IMPG2: variants seen among roughly 807,000 people sequenced by gnomAD.
IMPG2 encodes the protein interphotoreceptor matrix proteoglycan 2.
A neutral mutation model predicts 129.2 loss-of-function variants in IMPG2; 91 were observed. The observed-to-expected ratio is 0.70, with a 90% CI of 0.59 to 0.84. The LOEUF (loss-of-function observed/expected upper bound fraction) is 0.84. IMPG2 is among the 40% of genes least tolerant of loss of function. IMPG2 has a pLI of 0.00. For synonymous variants in IMPG2, 510 were observed against 517.7 expected, an observed-to-expected ratio of 0.99 and a Z score of 0.20; for missense variants, 1,430 against 1,461.7, an observed-to-expected ratio of 0.98 and a Z score of 0.35.
At chr3:101,238,426 C>T (rs1177026339) in intron 14 of IMPG2, among the ~76,000 whole-genome samples, 1 of 151,998 alleles carries the variant, frequency 6.6e-6, no homozygotes, top group Non-Finnish European at 1.5e-5. Flanking sequence ...GTCAGATTCA[C>T]CAAGATTGAA....
In IMPG2 at chr3:101,223,627, G is replaced by C. The variant is rs1021370919; in HGVS notation, c.*3342C>G. ...TCATACTTCAGCCAACCTACTTTTA[G>C]AGCCTACAAAGAATATTTGTGCAGT... On this transcript the variant is annotated 3_prime_UTR_variant, in exon 19 of 19. Transcript: ENST00000193391. 6.6e-6 allele frequency: 1 copy of C among 152,172 alleles called. No individual in the cohort carries two copies. Among genetic ancestry groups the C allele is most frequent in the Non-Finnish European group, 1.5e-5 (1 of 68,026 alleles). 9.4% of individuals were successfully genotyped at this position (152,172 alleles called of 1,614,324 possible). A position where few individuals can be genotyped will look rare whatever the true frequency, so the allele number is the denominator to read the frequency against.
intron 8 of IMPG2, among the ~76,000 whole-genome samples, chr3:101,268,361 A>G (rs542446042): frequency 6.6e-6 from 1 of 152,294 alleles, no homozygotes; most frequent in African/African-American, 2.4e-5. Context: ...TTCTCATCTG[A>G]GCATACAACT....
At chr3:101,294,610 T>C (rs190086838) in intron 3 of IMPG2, among the ~76,000 whole-genome samples, 37 of 152,286 alleles carry the variant, frequency 2.4e-4, no homozygotes, top group Middle Eastern at 6.8e-3. Context: ...ATATACCCAA[T>C]AATGGGATTG....
At chr3:101,308,714 T>A (rs1488925476) in intron 2 of IMPG2, among the ~76,000 whole-genome samples, 2 of 152,388 alleles carry the variant, frequency 1.3e-5, no homozygotes, top group East Asian at 3.9e-4. Context: ...GGCTTATTAC[T>A]ACTTATGCAA....
intron 4 of IMPG2, among the ~76,000 whole-genome samples, chr3:101,291,276 A>C (rs1444094681): frequency 1.3e-5 from 2 of 152,210 alleles, no homozygotes; most frequent in Non-Finnish European, 2.9e-5. Context: ...TCAGACAGCA[A>C]ATGCGCACAG....
At chr3:101,229,320 G>GGGGCCCC in intron 17 of IMPG2, 60 bp downstream of exon 17, 2 of 519,328 alleles carry the variant, frequency 3.9e-6, no homozygotes, top group Non-Finnish European at 3.0e-6. Context: ...ACCACCCCCT[G>GGGGCCCC]CTCCCCCACA....
intron 7 of IMPG2, among the ~76,000 whole-genome samples, chr3:101,270,563 G>A (rs1706771517): frequency 6.6e-6 from 1 of 152,090 alleles, no homozygotes; most frequent in African/African-American, 2.4e-5. Context: ...AAATAATCAG[G>A]TTGAGGCGGG....
chr3:101,242,785 G>C lies in IMPG2; in HGVS notation c.2925C>G (p.Val975=), dbSNP rs991927846. 1.2e-6 allele frequency: 2 copies of C among 1,614,012 alleles called. No homozygotes were observed. The highest frequency in any genetic ancestry group is 2.2e-5 in the South Asian group (2 of 91,072). ...CCAGAATCATGTACACCGCATTGTT[G>C]ACGTTAGGAGGGACAGAATTGGCAA... ...MKFANSVPPN[V]NNAVYMILED... Residue 975 remains valine (V), a synonymous_variant, in exon 14 of 19, where the codon GTC becomes GTG. Coordinates refer to ENST00000193391, the MANE Select transcript of IMPG2 (RefSeq NM_016247.4).
chr3:101,232,930 G>A lies in IMPG2; in HGVS notation c.3084C>T (p.Asn1028=), dbSNP rs563979461. 1.9e-5 allele frequency: 30 copies of A among 1,613,986 alleles called. No individual in the cohort carries two copies. The highest frequency in any genetic ancestry group is 3.3e-5 in the South Asian group (3 of 91,080). Residue 1028 remains asparagine, a synonymous_variant, in exon 15 of 19, where the codon AAC becomes AAT. Transcript: ENST00000193391. ...TGCACTTTGCTTCTCCACTCCAGGG[G>A]TTGACCAGACACTCTGAAAATTCAT... is the stretch of plus-strand genomic sequence containing the variant. The part of the protein sequence containing the change: ...ACNEFSECLV[N]PWSGEAKCRC...
rs1389268216 is a variant in IMPG2 at position 101,222,603 on chromosome 3, C to T, written c.*4366G>A. The stretch of plus-strand genomic sequence containing the variant: ...TAGTACAGTTGTATACATAGGAAAA[C>T]ATCCTTATTTATTCATAAAGACTTT... On this transcript the variant is annotated 3_prime_UTR_variant, in exon 19 of 19. Coordinates refer to ENST00000193391, the MANE Select transcript of IMPG2 (RefSeq NM_016247.4). 2 of 152,144 alleles carry T rather than the reference C, an allele frequency of 1.3e-5. No individual in the cohort carries two copies. The highest frequency in any genetic ancestry group is 1.3e-4 in the Admixed American group (2 of 15,278). 9.4% of individuals were successfully genotyped at this position (152,144 alleles called of 1,614,324 possible).
At chr3:101,228,684 C>A in intron 18 of IMPG2, 113 bp downstream of exon 18, 1 of 827,598 alleles carries the variant, frequency 1.2e-6, no homozygotes, top group Non-Finnish European at 2.1e-6. Context: ...TTGGTTATCA[C>A]GGAGACTCCT....
intron 8 of IMPG2, 133 bp from the exon 9 acceptor site, chr3:101,267,664 C>A: frequency 1.3e-6 from 1 of 755,100 alleles, no homozygotes; most frequent in South Asian, 1.7e-5. Flanking sequence ...AAAATGCTGA[C>A]AAATTCCTAT....
chr3:101,283,571 G>T (rs576858223), intron 4 of IMPG2, among the ~76,000 whole-genome samples: 6 of 152,236 alleles, frequency 3.9e-5, no homozygotes, highest in Admixed American at 3.3e-4. Context: ...CATATATACA[G>T]AGTATACAGT....
chr3:101,283,882 C>T (rs1412801441), intron 4 of IMPG2, among the ~76,000 whole-genome samples: 3 of 119,368 alleles, frequency 2.5e-5, no homozygotes, highest in Non-Finnish European at 3.9e-5. Flanking sequence ...AATATATAGA[C>T]TAATAAGAAA....
In IMPG2 at chr3:101,243,774, C is replaced by T; in HGVS notation, c.2557G>A (p.Glu853Lys). Residue 853 changes from glutamate (E) to lysine (K), a missense_variant, in exon 13 of 19, where the codon GAG (glutamate) becomes AAG (lysine). By Grantham distance (56) the Glu-to-Lys change is moderately conservative. Transcript: ENST00000193391. ...DRIGTDYYQP[E>K]QVQEQNGKVG... ...TTGCCATTTTGCTCTTGGACTTGCT[C>T]AGGCTGATAGTAATCTGTGCCTATC... 2 of 1,613,944 alleles carry T rather than the reference C, an allele frequency of 1.2e-6. No individual in the cohort carries two copies. The highest frequency in any genetic ancestry group is 1.7e-6 in the Non-Finnish European group (2 of 1,179,868).
intron 11 of IMPG2, among the ~76,000 whole-genome samples, chr3:101,250,822 C>G (rs775418743): frequency 1.3e-5 from 2 of 152,164 alleles, no homozygotes; most frequent in Non-Finnish European, 2.9e-5. Context: ...AATACCTGCT[C>G]TATGGAATAT....
rs765658730 is a variant in IMPG2, at chr3:101,320,334, A to T, written c.39T>A (p.Gly13=). 3 of 1,608,218 alleles carry T rather than the reference A, an allele frequency of 1.9e-6. No homozygotes were observed. The highest frequency in any genetic ancestry group is 1.7e-6 in the Non-Finnish European group (2 of 1,175,424). Residue 13 remains glycine (G), a synonymous_variant, in exon 1 of 19, where the codon GGT becomes GGA. Transcript: ENST00000193391. ...MFPLFGKISL[G]ILIFVLIEGD... ...CTTCTATCAGGACAAATATCAAAAT[A>T]CCCAGAGAAATCTTCCCAAAAAGAG...
At chr3:101,281,720 A>C (rs1157019405) in intron 4 of IMPG2, among the ~76,000 whole-genome samples, 1 of 152,220 alleles carries the variant, frequency 6.6e-6, no homozygotes, top group African/African-American at 2.4e-5. Flanking sequence ...TGGGTTATCC[A>C]GTAGGCTCCA....
chr3:101,318,895 C>T (rs545244550), intron 2 of IMPG2, among the ~76,000 whole-genome samples: 1 of 152,104 alleles, frequency 6.6e-6, no homozygotes, highest in South Asian at 2.1e-4. Context: ...ATCAAGAATA[C>T]TGTTTAAAGA....
Sources: gnomAD v4.1 joint callset for allele counts (sites outside exome capture counted in the v4.1 genomes callset) on GRCh38, gnomAD v4.1.1 for gene constraint, MANE v1.5 for transcripts, NCBI Gene and HGNC (gene_info 2026-07-23, HGNC 2026-07-21) for gene names.